Variants in MTCH2 observed in about 807,000 individuals in gnomAD.
MTCH2 encodes the protein mitochondrial carrier 2.
A neutral mutation model predicts 50.6 loss-of-function variants in MTCH2; 25 were observed. That is an observed-to-expected ratio of 0.49 (90% confidence interval 0.36 to 0.69). MTCH2 has a LOEUF of 0.69. Among genes scored for constraint, MTCH2 ranks in the 30% least tolerant of loss-of-function variants. The probability of loss-of-function intolerance (pLI) is 0.00; values close to 1 mark genes in which losing one functional copy is unlikely to be tolerated. For missense variants in MTCH2, 273 were observed against 384.4 expected, an observed-to-expected ratio of 0.71 and a Z score of 2.42; for synonymous variants, 106 against 132.0, an observed-to-expected ratio of 0.80 and a Z score of 1.35.
In MTCH2 at chr11:47,617,919, A is replaced by G. The variant is rs1598829632; in HGVS notation, c.*914T>C. ...ACTACTCACCTTCGGCAACAATAAC[A>G]AAAAGGAAACAAAACAAAAAACTGA... On this transcript the variant is annotated 3_prime_UTR_variant, in exon 13 of 13. Transcript: ENST00000302503. 6.6e-6 allele frequency: 1 copy of G among 152,318 alleles called. No individual in the cohort carries two copies. Among genetic ancestry groups the G allele is most frequent in the South Asian group, 2.1e-4 (1 of 4,826 alleles). 9.4% of individuals were successfully genotyped at this position (152,318 alleles called of 1,614,324 possible). A position where few individuals can be genotyped will look rare whatever the true frequency, so the allele number is the denominator to read the frequency against.
chr11:47,620,298 C>A (rs1565961924), intron 12 of MTCH2, among the ~76,000 whole-genome samples: 1 of 151,336 alleles, frequency 6.6e-6, no homozygotes, highest in African/African-American at 2.4e-5. Flanking sequence ...TTAAAAAAAA[C>A]AAAAAACAAA....
intron 8 of MTCH2, 22 bp downstream of exon 8, chr11:47,630,533 A>G: frequency 6.3e-7 from 1 of 1,583,032 alleles, no homozygotes; most frequent in South Asian, 1.1e-5. Flanking sequence ...CAAAAATTAC[A>G]CACTAATCAA....
intron 3 of MTCH2, among the ~76,000 whole-genome samples, chr11:47,636,361 G>T (rs986875875): frequency 6.6e-6 from 1 of 150,860 alleles, no homozygotes. Flanking sequence ...TTGAACCCGG[G>T]GGGTAAAGAC....
intron 10 of MTCH2, 60 bp downstream of exon 10, chr11:47,627,020 A>G (rs989250388): frequency 1.5e-6 from 2 of 1,331,630 alleles, no homozygotes; most frequent in Non-Finnish European, 1.1e-6. Flanking sequence ...CAGATTTAAA[A>G]GGAAAACAAA....
intron 12 of MTCH2, among the ~76,000 whole-genome samples, chr11:47,619,623 T>C (rs10838735): frequency 0.99 from 150,139 of 152,268 alleles, 74,052 homozygotes; most frequent in Middle Eastern, 1. Context: ...GACAACATAG[T>C]AAGACCCCAT....
At chr11:47,642,355 G>C (rs1051781628) in intron 1 of MTCH2, 24 bp downstream of exon 1, 1 of 1,425,450 alleles carries the variant, frequency 7.0e-7, no homozygotes, top group African/African-American at 2.2e-5. Context: ...GCCGGGCGGG[G>C]TAGGGAGCGG....
intron 1 of MTCH2, among the ~76,000 whole-genome samples, chr11:47,640,001 T>C (rs897272907): frequency 4.6e-5 from 7 of 152,126 alleles, no homozygotes; most frequent in African/African-American, 1.7e-4. Flanking sequence ...AGGACATAGT[T>C]TTGATTATTG....
intron 1 of MTCH2, 139 bp downstream of exon 1, chr11:47,642,240 G>C (rs564907862): frequency 4.3e-6 from 3 of 703,344 alleles, no homozygotes; most frequent in Non-Finnish European, 6.8e-6. Flanking sequence ...TGTCCCTGCG[G>C]GGAGGTAAAG....
downstream of MTCH2, among the ~76,000 whole-genome samples, chr11:47,615,031 CTTTTTTTT>C (rs61122824): frequency 4.5e-5 from 2 of 44,908 alleles, no homozygotes; most frequent in South Asian, 1.2e-3. Context: ...CCCAGTGAGG[CTTTTTTTT>C]TTTTTTTTTT....
chr11:47,630,421 C>T, intron 8 of MTCH2, 134 bp downstream of exon 8: 1 of 770,524 alleles, frequency 1.3e-6, no homozygotes. Context: ...AATAAGGGGC[C>T]TAAATAGAAT....
At chr11:47,620,344 C>T in intron 12 of MTCH2, among the ~76,000 whole-genome samples, 1 of 151,938 alleles carries the variant, frequency 6.6e-6, no homozygotes, top group Admixed American at 6.6e-5. Flanking sequence ...CGGTATGTGC[C>T]TGTAGTCCAA....
intron 3 of MTCH2, 23 bp from the exon 4 acceptor site, chr11:47,635,594 TG>T (rs2097307775): frequency 6.2e-7 from 1 of 1,605,058 alleles, no homozygotes; most frequent in Non-Finnish European, 8.5e-7. Context: ...AGAAAAAGGA[TG>T]ATTAGGGTTA....
chr11:47,616,355 CTTTTCT>C (rs2097288399), downstream of MTCH2, among the ~76,000 whole-genome samples: 1 of 151,952 alleles, frequency 6.6e-6, no homozygotes, highest in African/African-American at 2.4e-5. Context: ...AGAACCCCTA[CTTTTCT>C]TTTTCTTTTT....
At chr11:47,614,172 G>A (rs1045609400), downstream of MTCH2, among the ~76,000 whole-genome samples, 1 of 151,810 alleles carries the variant, frequency 6.6e-6, no homozygotes, top group Non-Finnish European at 1.5e-5. Context: ...AAAATGCCTC[G>A]ACTGGCTTCA....
chr11:47,639,093 C>T (rs775512923), intron 1 of MTCH2, 42 bp from the exon 2 acceptor site: 1 of 1,504,108 alleles, frequency 6.6e-7, no homozygotes, highest in Non-Finnish European at 9.1e-7. Flanking sequence ...AGCAATATTT[C>T]CAGAAATGTC....
At chr11:47,627,180 A>G in intron 9 of MTCH2, 53 bp from the exon 10 acceptor site, 1 of 1,262,630 alleles carries the variant, frequency 7.9e-7, no homozygotes, top group Non-Finnish European at 1.1e-6. Flanking sequence ...ACAACACATC[A>G]ATATATTCTT....
At position 47,631,584 on chromosome 11, in the gene MTCH2, G is replaced by A. The variant is rs1044674641; in HGVS notation, c.427+70C>T. 1.3e-5 allele frequency: 20 copies of A among 1,503,858 alleles called. No homozygotes were observed. In the Admixed American group the frequency reaches 1.7e-4, roughly 13 times the overall value. 93.2% of individuals were successfully genotyped at this position (1,503,858 alleles called of 1,614,324 possible). On this transcript the variant is annotated intron_variant, in intron 6 of 12. Transcript: ENST00000302503. Reference sequence around the variant, plus strand: ...GCAAGGCATTTTAGTCAACTCCCACGTCAACCTATCTAAGTGGTCAGGAGA... The same window carrying A: ...GCAAGGCATTTTAGTCAACTCCCACATCAACCTATCTAAGTGGTCAGGAGA...
intron 11 of MTCH2, among the ~76,000 whole-genome samples, chr11:47,623,281 T>C (rs2097294939): frequency 6.7e-6 from 1 of 150,096 alleles, no homozygotes; most frequent in Non-Finnish European, 1.5e-5. Flanking sequence ...CTAAGGCATG[T>C]GAATTGCTTC....
intron 1 of MTCH2, among the ~76,000 whole-genome samples, chr11:47,639,756 T>G (rs1360381159): frequency 6.6e-6 from 1 of 152,054 alleles, no homozygotes; most frequent in African/African-American, 2.4e-5. Context: ...GAGAATCACT[T>G]GAACCCGGGA....
Sources: gnomAD v4.1 joint callset for allele counts (sites outside exome capture counted in the v4.1 genomes callset) on GRCh38, gnomAD v4.1.1 for gene constraint, MANE v1.5 for transcripts, NCBI Gene and HGNC (gene_info 2026-07-23, HGNC 2026-07-21) for gene names.